The following PFKM variants were observed in gnomAD, a reference collection of about 807,000 sequenced individuals.
PFKM encodes the protein phosphofructokinase, muscle.
A neutral mutation model predicts 95.5 loss-of-function variants in PFKM; 58 were observed. That is an observed-to-expected ratio of 0.61 (90% CI 0.49 to 0.76). PFKM has a LOEUF of 0.76. PFKM is among the 30% of genes least tolerant of loss of function. PFKM has a pLI of 0.00. For missense variants in PFKM, 678 were observed against 1,005.4 expected, an observed-to-expected ratio of 0.67 and a Z score of 4.40; for synonymous variants, 336 against 357.2, an observed-to-expected ratio of 0.94 and a Z score of 0.67.
intron 11 of PFKM, among the ~76,000 whole-genome samples, chr12:48,138,427 G>A (rs1303702845): frequency 6.6e-6 from 1 of 152,184 alleles, no homozygotes; most frequent in Non-Finnish European, 1.5e-5. Context: ...GCGGCTGAGA[G>A]CGAGAACTAG....
At chr12:48,133,515 A>T (rs751285662) in intron 6 of PFKM, 35 bp downstream of exon 6, 1 of 1,594,914 alleles carries the variant, frequency 6.3e-7, no homozygotes, top group South Asian at 1.1e-5. Context: ...GTGTAAGAAG[A>T]TGGCAGCTAG....
intron 13 of PFKM, among the ~76,000 whole-genome samples, chr12:48,140,185 G>T (rs1950454788): frequency 6.6e-6 from 1 of 152,082 alleles, no homozygotes; most frequent in Admixed American, 6.5e-5. Context: ...TGGGAAAGAG[G>T]GCTTATGTAC....
intron 2 of PFKM, among the ~76,000 whole-genome samples, chr12:48,129,243 T>TC (rs1565877213): frequency 1.0e-5 from 1 of 96,178 alleles, no homozygotes; most frequent in African/African-American, 4.6e-5. Context: ...TTTTTTTTTT[T>TC]ACAGATGGAG....
intron 3 of PFKM, among the ~76,000 whole-genome samples, chr12:48,110,146 C>G (rs1229381498): frequency 6.6e-6 from 1 of 151,998 alleles, no homozygotes; most frequent in East Asian, 1.9e-4. Flanking sequence ...CTCAGGAAGA[C>G]CTGAGGGATG....
intron 4 of PFKM, 152 bp downstream of exon 4, chr12:48,131,545 T>C: frequency 2.9e-6 from 2 of 699,390 alleles, no homozygotes; most frequent in Admixed American, 4.1e-5. Flanking sequence ...CCTTTACTCT[T>C]AGCATTTGAA....
intron 1 of PFKM, among the ~76,000 whole-genome samples, chr12:48,107,016 A>G (rs1236798540): frequency 6.6e-6 from 1 of 152,194 alleles, no homozygotes; most frequent in East Asian, 1.9e-4. Flanking sequence ...TCAGCTTGGC[A>G]GGCCTCTGGA....
intron 4 of PFKM, chr12:48,131,624 G>A (rs1949499936): frequency 1.7e-6 from 1 of 573,498 alleles, no homozygotes; most frequent in African/African-American, 1.9e-5. Flanking sequence ...TGCTCTTTAT[G>A]GAAAGGTCAT....
At chr12:48,118,553 G>A, upstream of PFKM, 1 of 1,517,186 alleles carries the variant, frequency 6.6e-7, no homozygotes, top group Non-Finnish European at 8.9e-7. Flanking sequence ...AGACCCGACT[G>A]TGGAGACAAT....
At chr12:48,143,480 A>G (rs938523360) in intron 18 of PFKM, among the ~76,000 whole-genome samples, 1 of 152,218 alleles carries the variant, frequency 6.6e-6, no homozygotes, top group Non-Finnish European at 1.5e-5. Context: ...AGGCTTGGAA[A>G]GGGAGATTGG....
At chr12:48,132,052 A>G (rs1198444707) in intron 4 of PFKM, 3 of 455,932 alleles carry the variant, frequency 6.6e-6, no homozygotes, top group Non-Finnish European at 1.3e-5. Context: ...GCAAAAATTT[A>G]ATATGCAGTG....
At chr12:48,105,895 A>G, upstream of PFKM, 1 of 617,708 alleles carries the variant, frequency 1.6e-6, no homozygotes, top group South Asian at 1.8e-5. Flanking sequence ...GGGGCAGAGG[A>G]AAAGGCGCCG....
chr12:48,128,288 G>A (rs1026459172), intron 2 of PFKM, among the ~76,000 whole-genome samples: 1 of 146,356 alleles, frequency 6.8e-6, no homozygotes, highest in Non-Finnish European at 1.5e-5. Flanking sequence ...TCTTTTTTTC[G>A]AGAGATGGGG....
chr12:48,143,000 TC>T, intron 18 of PFKM, 54 bp downstream of exon 18: 1 of 1,523,540 alleles, frequency 6.6e-7, no homozygotes, highest in Non-Finnish European at 9.0e-7. Context: ...CCAGACTGTT[TC>T]CACAGTGATC....
At chr12:48,136,310 T>C (rs1950084788) in intron 10 of PFKM, among the ~76,000 whole-genome samples, 1 of 152,252 alleles carries the variant, frequency 6.6e-6, no homozygotes, top group African/African-American at 2.4e-5. Context: ...GGCTTTTTTT[T>C]CCACTCAGCA....
intron 13 of PFKM, 122 bp downstream of exon 13, chr12:48,140,034 T>G: frequency 1.4e-6 from 1 of 706,356 alleles, no homozygotes. Flanking sequence ...ACTCTGATCT[T>G]CAGTGCTGGG....
intron 3 of PFKM, 128 bp downstream of exon 3, chr12:48,130,564 C>G (rs980858215): frequency 2.3e-5 from 18 of 798,454 alleles, no homozygotes; most frequent in Non-Finnish European, 3.6e-5. Context: ...TTTTCCTTGA[C>G]TCCGTAGCTT....
intron 2 of PFKM, among the ~76,000 whole-genome samples, chr12:48,128,426 T>A (rs1046053730): frequency 1.3e-5 from 2 of 152,158 alleles, no homozygotes; most frequent in Non-Finnish European, 2.9e-5. Flanking sequence ...TAGGGACCAA[T>A]AGACCATATT....
In PFKM at chr12:48,145,013, TTA is replaced by T. The variant is rs1950909421; in HGVS notation, c.1993-16_1993-15del. The T allele has an allele frequency of 3.2e-6, 5 of 1,562,626 alleles. No individual in the cohort carries two copies. Among genetic ancestry groups the T allele is most frequent in the Non-Finnish European group, 4.4e-6 (5 of 1,133,208 alleles). ...ATTAGAGTCCTTCCCTCTGTAATTT[TTA>T]TGTTTCTTTCTCCAGGGTGGGAGCC... On this transcript the variant is annotated splice_polypyrimidine_tract_variant and intron_variant, in intron 20 of 22. Transcript: ENST00000359794. This position sits in a 1 kb window ranked among gnomAD's most constrained non-coding sequence, Gnocchi z 4.3.
At chr12:48,133,126 GCCCCCGCCCTGCTTT>G in intron 5 of PFKM, 69 bp downstream of exon 5, 1 of 1,458,612 alleles carries the variant, frequency 6.9e-7, no homozygotes, top group Non-Finnish European at 9.6e-7. Flanking sequence ...CACACACATC[GCCCCCGCCCTGCTTT>G]TACCTCCCAT....
Sources: allele counts gnomAD v4.1 joint callset (sites outside exome capture counted in the v4.1 genomes callset), GRCh38; gene constraint gnomAD v4.1.1; non-coding constraint Gnocchi (gnomAD v3.1); transcripts MANE v1.5; gene names NCBI Gene and HGNC (gene_info 2026-07-23, HGNC 2026-07-21).